Variants in USP34 observed in about 807,000 individuals in gnomAD.
The protein encoded by USP34 is ubiquitin carboxyl-terminal hydrolase 34.
USP34 carries 70 observed loss-of-function variants against 460.3 expected under a neutral mutation model. The observed-to-expected ratio is 0.15, with a 90% CI of 0.13 to 0.19. The LOEUF (loss-of-function observed/expected upper bound fraction) is 0.19, where lower values mean the gene tolerates loss of function less well. Ranked by LOEUF, USP34 falls within the 10% of genes least tolerant of loss-of-function variation. The pLI is 1.00. For synonymous variants in USP34, 1,647 were observed against 1,405.3 expected (o/e 1.17, Z -3.85); for missense variants, 3,985 against 4,236.2 (o/e 0.94, Z 1.65).
rs749090621 is a variant in USP34 at position 61,257,300 on chromosome 2, G to C, written c.5895C>G (p.Thr1965=). ...YNPRPFCKTY[T]MDKQPLNTGE... ...CAGTATTCAGAGGCTGCTTATCCAT[G>C]GTGTATGTTTTACAGAAAGGTCTAG... Residue 1965 remains threonine, a synonymous_variant, in exon 45 of 80, where the codon ACC becomes ACG. Transcript: ENST00000398571. 26 of 1,612,604 alleles carry C rather than the reference G, an allele frequency of 1.6e-5. No homozygotes were observed. The highest frequency in any genetic ancestry group is 5.3e-5 in the African/African-American group (4 of 74,838).
intron 21 of USP34, among the ~76,000 whole-genome samples, chr2:61,324,994 A>T (rs550207970): frequency 8.6e-4 from 131 of 152,292 alleles, no homozygotes; most frequent in Non-Finnish European, 1.7e-3. Flanking sequence ...TAACTCAGAA[A>T]CAGAAAACCA....
intron 1 of USP34, among the ~76,000 whole-genome samples, chr2:61,455,241 C>G (rs748634142): frequency 1.3e-5 from 2 of 151,950 alleles, no homozygotes; most frequent in Non-Finnish European, 2.9e-5. Context: ...TGCAGTGGTA[C>G]GATCTCAGCT....
At chr2:61,378,913 G>GAAAAAAAACA (rs1692879776) in intron 7 of USP34, among the ~76,000 whole-genome samples, 1 of 57,870 alleles carries the variant, frequency 1.7e-5, no homozygotes, top group African/African-American at 7.3e-5. Flanking sequence ...TCAAAAAAAC[G>GAAAAAAAACA]AAAAAAAAAA....
chr2:61,293,385 G>C lies in USP34; in HGVS notation c.4548+79C>G, dbSNP rs577097654. 2.0e-5 allele frequency: 22 copies of C among 1,098,114 alleles called. No individual in the cohort carries two copies. In the South Asian group the frequency reaches 2.7e-4, roughly 13 times the overall value. 68.0% of individuals were successfully genotyped at this position (1,098,114 alleles called of 1,614,324 possible). On this transcript the variant is annotated intron_variant, in intron 33 of 79. Transcript: ENST00000398571. ...TATTATAAGGAACTATATGGCAAAA[G>C]CTATACTTGCTGATGAAATGGAAGT...
chr2:61,463,175 G>A (rs2104107530), intron 1 of USP34, among the ~76,000 whole-genome samples: 1 of 151,980 alleles, frequency 6.6e-6, no homozygotes, highest in South Asian at 2.1e-4. Context: ...CAGAATAACA[G>A]TATTAAGAAA....
At chr2:61,272,654 C>T (rs12713435) in intron 41 of USP34, among the ~76,000 whole-genome samples, 81,676 of 151,876 alleles carry the variant, frequency 0.54, 22,183 homozygotes, top group South Asian at 0.74. Flanking sequence ...AGTAAACCCT[C>T]TGAAATGTTA....
At chr2:61,318,636 T>C (rs912954630) in intron 22 of USP34, among the ~76,000 whole-genome samples, 1 of 152,112 alleles carries the variant, frequency 6.6e-6, no homozygotes, top group African/African-American at 2.4e-5. Context: ...TTCAGAAAAA[T>C]GTCACCTGAA....
chr2:61,418,503 A>C (rs1205676869), intron 2 of USP34, among the ~76,000 whole-genome samples: 5 of 152,174 alleles, frequency 3.3e-5, no homozygotes, highest in Admixed American at 6.5e-5. Context: ...CTTATAAATA[A>C]CATGTTGTAT....
chr2:61,196,390 A>T (rs1686810912), intron 75 of USP34, among the ~76,000 whole-genome samples: 1 of 150,326 alleles, frequency 6.7e-6, no homozygotes, highest in African/African-American at 2.5e-5. Flanking sequence ...GCGCCCGGCC[A>T]ATTTCTGTAT....
Position 61,206,626 on chromosome 2 carries a change from G to A in USP34, c.9046+134C>T, listed in dbSNP as rs191890532. ...GAGTTCATGACAAACATTTCCTGAT[G>A]GTTAGCTAGCTTCAGCCTCATCTTC... On this transcript the variant is annotated intron_variant, in intron 71 of 79. Transcript: ENST00000398571. The A allele has an allele frequency of 2.5e-5, 29 of 1,139,270 alleles. No individual in the cohort carries two copies. In the East Asian group the frequency reaches 3.7e-4, roughly 15 times the overall value. The allele number at this position is 1,139,270 out of a possible 1,614,324, so 70.6% of individuals were successfully genotyped here.
chr2:61,200,772 T>C (rs555498056), intron 75 of USP34: 1 of 152,342 alleles, frequency 6.6e-6, no homozygotes, highest in Non-Finnish European at 1.5e-5. Flanking sequence ...CTACCAACTC[T>C]GTGTGGTCAT....
chr2:61,239,278 C>T (rs1688172486), intron 53 of USP34, among the ~76,000 whole-genome samples: 1 of 147,636 alleles, frequency 6.8e-6, no homozygotes, highest in African/African-American at 2.5e-5. Context: ...ATTAAGCTTC[C>T]TCACTTTAAA....
chr2:61,207,140 T>A (rs1018047353), intron 70 of USP34: 5 of 296,150 alleles, frequency 1.7e-5, no homozygotes, highest in East Asian at 1.4e-4. Context: ...CACATTTTTT[T>A]AAAAAAGTAC....
At chr2:61,257,492 G>T in intron 44 of USP34, 142 bp from the exon 45 acceptor site, 2 of 593,224 alleles carry the variant, frequency 3.4e-6, no homozygotes, top group Non-Finnish European at 2.6e-6. Context: ...ATTTCTTTCT[G>T]TTTAGTTTTC....
At chr2:61,288,598 T>C (rs1689759534) in intron 34 of USP34, 79 bp downstream of exon 34, 2 of 1,448,476 alleles carry the variant, frequency 1.4e-6, no homozygotes, top group African/African-American at 2.8e-5. Flanking sequence ...CTAGAATACA[T>C]TTCTTAAGCA....
At position 61,291,680 on chromosome 2, in the gene USP34, T is replaced by C. The variant is rs577900024; in HGVS notation, c.4548+1784A>G. ...GAAAAGCTGCTCAAGATTCTTAGCA[T>C]TGGGAAAATGTAAATGCTAGAAATC... On this transcript the variant is annotated intron_variant, in intron 33 of 79. Coordinates refer to ENST00000398571, the MANE Select transcript of USP34 (RefSeq NM_014709.4). 6.6e-5 allele frequency among the ~76,000 whole-genome samples: 10 copies of C among 152,300 alleles called. No homozygotes were observed. The South Asian group carries it at 8.3e-4, about 13-fold the overall frequency.
chr2:61,408,886 A>ACTCC (rs1347775771), intron 2 of USP34, among the ~76,000 whole-genome samples: 1 of 151,528 alleles, frequency 6.6e-6, no homozygotes, highest in Non-Finnish European at 1.5e-5. Flanking sequence ...AGAGTGAGAC[A>ACTCC]CTCCCTCTCA....
At chr2:61,326,256 G>T (rs1691085641) in intron 20 of USP34, among the ~76,000 whole-genome samples, 1 of 152,174 alleles carries the variant, frequency 6.6e-6, no homozygotes, top group Non-Finnish European at 1.5e-5. Context: ...TGTCTAGGCT[G>T]GAGTGCAGTG....
Position 61,241,660 on chromosome 2 carries a change from A to C in USP34, c.6682-5T>G. ...CAGCATATATGCACTGTGTGTCTTTAAGAGGCAAGAAAAAAATTTATTTTC... is the reference window on the plus strand; with the variant it reads ...CAGCATATATGCACTGTGTGTCTTTCAGAGGCAAGAAAAAAATTTATTTTC... On this transcript the variant is annotated splice_polypyrimidine_tract_variant and splice_region_variant and intron_variant, in intron 52 of 79. Transcript: ENST00000398571. 9.6e-6 allele frequency: 15 copies of C among 1,567,026 alleles called. No individual in the cohort carries two copies. The highest frequency in any genetic ancestry group is 1.7e-4 in the Middle Eastern group (1 of 5,848).
Sources: allele counts gnomAD v4.1 joint callset (sites outside exome capture counted in the v4.1 genomes callset), GRCh38; gene constraint gnomAD v4.1.1; transcripts MANE v1.5; gene names NCBI Gene and HGNC (gene_info 2026-07-23, HGNC 2026-07-21).